Variants in BICD1 observed in about 807,000 individuals in gnomAD.
BICD1 encodes the protein protein bicaudal D homolog 1.
In BICD1, 35 loss-of-function variants were observed where a neutral mutation model predicts 92.5. The ratio of observed to expected loss-of-function variants is 0.38; its 90% CI spans 0.29 to 0.50. The LOEUF (loss-of-function observed/expected upper bound fraction) is 0.50. Ranked by LOEUF, BICD1 falls within the 20% of genes least tolerant of loss-of-function variation. The pLI is 0.93. For synonymous variants in BICD1, 429 were observed against 465.1 expected, an observed-to-expected ratio of 0.92 and a Z score of 1.00; for missense variants, 950 against 1,189.8, an observed-to-expected ratio of 0.80 and a Z score of 2.97.
chr12:32,141,453 G>T (rs751767205), intron 1 of BICD1, among the ~76,000 whole-genome samples: 18 of 151,944 alleles, frequency 1.2e-4, no homozygotes, highest in Non-Finnish European at 2.5e-4. Flanking sequence ...TGATTTAGAG[G>T]CCCTTCCTTT....
At chr12:32,359,376 G>A (rs749126617) in intron 8 of BICD1, among the ~76,000 whole-genome samples, 10 of 151,758 alleles carry the variant, frequency 6.6e-5, no homozygotes, top group Non-Finnish European at 1.2e-4. Context: ...CCAAGGTCAC[G>A]GTGAGAGCCT....
At chr12:32,298,660 C>T (rs570651392) in intron 3 of BICD1, among the ~76,000 whole-genome samples, 1 of 150,222 alleles carries the variant, frequency 6.7e-6, no homozygotes, top group African/African-American at 2.4e-5. Flanking sequence ...CACCTGAGGT[C>T]TGGAGTTCGA....
chr12:32,327,659 G>A lies in BICD1; in HGVS notation c.1204G>A (p.Glu402Lys). The A allele has an allele frequency of 6.2e-7, 1 of 1,614,092 alleles. No homozygotes were observed. Among genetic ancestry groups the A allele is most frequent in the Non-Finnish European group, 8.5e-7 (1 of 1,180,008 alleles). The change falls in exon 5 of 10, where the codon GAG becomes AAG. Residue 402 changes from glutamate (E) to lysine (K), a missense_variant. Physicochemically the swap from Glu to Lys is moderately conservative, Grantham distance 56. Transcript: ENST00000652176. ...DGEKGRDSGE[E>K]AHDYEVDING... ...GGAGAAGGGCCGGGACTCAGGGGAGGAGGCCCATGACTATGAGGTGGACAT... is the reference window on the plus strand; with the variant it reads ...GGAGAAGGGCCGGGACTCAGGGGAGAAGGCCCATGACTATGAGGTGGACAT...
chr12:32,220,372 G>A (rs991111113), intron 2 of BICD1, among the ~76,000 whole-genome samples: 44 of 152,202 alleles, frequency 2.9e-4, no homozygotes, highest in South Asian at 1.0e-3. Flanking sequence ...TCCAGAATCT[G>A]CAATGAACTC....
At chr12:32,145,621 G>A (rs1252745521) in intron 1 of BICD1, among the ~76,000 whole-genome samples, 1 of 152,182 alleles carries the variant, frequency 6.6e-6, no homozygotes, top group African/African-American at 2.4e-5. Flanking sequence ...CACAGAGATA[G>A]CAGTTTTTGA....
chr12:32,367,555 C>A, intron 8 of BICD1, 115 bp from the exon 9 acceptor site: 8 of 869,282 alleles, frequency 9.2e-6, no homozygotes, highest in Non-Finnish European at 7.1e-6. Flanking sequence ...CAGGATATTT[C>A]TGTGTGAATG....
intron 8 of BICD1, among the ~76,000 whole-genome samples, chr12:32,361,149 T>G (rs1939309657): frequency 6.6e-6 from 1 of 152,180 alleles, no homozygotes; most frequent in Non-Finnish European, 1.5e-5. Flanking sequence ...TGGGCATATC[T>G]TACCACACAT....
At chr12:32,256,941 G>A (rs1216480661) in intron 2 of BICD1, among the ~76,000 whole-genome samples, 1 of 152,286 alleles carries the variant, frequency 6.6e-6, no homozygotes, top group Non-Finnish European at 1.5e-5. Context: ...CTGGCTGGGT[G>A]TAGTGGCTCA....
chr12:32,242,558 A>G (rs923801942), intron 2 of BICD1, among the ~76,000 whole-genome samples: 7 of 152,230 alleles, frequency 4.6e-5, no homozygotes, highest in African/African-American at 1.7e-4. Flanking sequence ...CAAAAGAAAA[A>G]TTGTATTAAG....
chr12:32,179,857 G>A (rs983073522), intron 1 of BICD1, among the ~76,000 whole-genome samples: 1 of 151,594 alleles, frequency 6.6e-6, no homozygotes, highest in Non-Finnish European at 1.5e-5. Context: ...GGGCATGGTG[G>A]TAGGCACCTG....
At chr12:32,152,590 G>A (rs2121441208) in intron 1 of BICD1, among the ~76,000 whole-genome samples, 1 of 152,216 alleles carries the variant, frequency 6.6e-6, no homozygotes, top group South Asian at 2.1e-4. Flanking sequence ...GGCCCACCAG[G>A]GACCAGGTGT....
intron 8 of BICD1, among the ~76,000 whole-genome samples, chr12:32,346,287 TG>T (rs1197533703): frequency 6.7e-6 from 1 of 148,948 alleles, no homozygotes; most frequent in Non-Finnish European, 1.5e-5. Context: ...GAGGCCGAGG[TG>T]GGTGGATCCC....
chr12:32,172,640 G>A (rs552626648), intron 1 of BICD1, among the ~76,000 whole-genome samples: 20 of 152,228 alleles, frequency 1.3e-4, no homozygotes, highest in African/African-American at 4.8e-4. Context: ...CACTTATAGG[G>A]GAGTCCAGAG....
intron 1 of BICD1, among the ~76,000 whole-genome samples, chr12:32,134,351 T>A (rs761993505): frequency 4.6e-5 from 7 of 152,174 alleles, no homozygotes; most frequent in Admixed American, 3.3e-4. Flanking sequence ...GCTGATATGA[T>A]CTTTGTATGA....
In BICD1 at chr12:32,106,994, C is replaced by T; in HGVS notation, c.-338C>T. The T allele has an allele frequency of 3.5e-6, 1 of 289,568 alleles. No individual in the cohort carries two copies. Among genetic ancestry groups the T allele is most frequent in the South Asian group, 4.2e-5 (1 of 23,722 alleles). The allele number at this position is 289,568 out of a possible 1,614,324, so 17.9% of individuals were successfully genotyped here. On this transcript the variant is annotated 5_prime_UTR_variant, in exon 1 of 10. Coordinates refer to ENST00000652176, the MANE Select transcript of BICD1 (RefSeq NM_001714.4). ...ACGGGCGTCTCTGAATAAGCAGAAT[C>T]CGGAGCCCCTCGCTACCCGCGGCCG...
At chr12:32,167,788 G>C (rs1350486745) in intron 1 of BICD1, among the ~76,000 whole-genome samples, 2 of 152,110 alleles carry the variant, frequency 1.3e-5, no homozygotes, top group Non-Finnish European at 2.9e-5. Context: ...TTTCCCTATT[G>C]CTGGGTGCTA....
intron 2 of BICD1, among the ~76,000 whole-genome samples, chr12:32,293,484 A>AT (rs55803746): frequency 6.7e-4 from 96 of 144,002 alleles, no homozygotes; most frequent in African/African-American, 2.3e-3. Context: ...CGCCTGGCTA[A>AT]TTTTTTTTTT....
chr12:32,334,704 G>T, intron 6 of BICD1, 37 bp downstream of exon 6: 4 of 1,587,982 alleles, frequency 2.5e-6, no homozygotes, highest in Non-Finnish European at 3.4e-6. Context: ...GGTGTGGTAG[G>T]TGGGGTAAAG....
intron 3 of BICD1, among the ~76,000 whole-genome samples, chr12:32,304,551 A>G (rs1948158933): frequency 6.6e-6 from 1 of 152,214 alleles, no homozygotes; most frequent in Non-Finnish European, 1.5e-5. Flanking sequence ...ATTACAGTGT[A>G]CTTGTGGAGA....
Sources: allele counts gnomAD v4.1 joint callset (sites outside exome capture counted in the v4.1 genomes callset), GRCh38; gene constraint gnomAD v4.1.1; transcripts MANE v1.5; gene names NCBI Gene and HGNC (gene_info 2026-07-23, HGNC 2026-07-21).